The following PLA2R1 variants were observed in gnomAD, a reference collection of about 807,000 sequenced individuals.
PLA2R1 encodes the protein secretory phospholipase A2 receptor.
PLA2R1 carries 158 observed loss-of-function variants against 195.9 expected under a neutral mutation model. The observed-to-expected ratio is 0.81, with a 90% confidence interval of 0.71 to 0.92. PLA2R1 has a LOEUF of 0.92. Among genes scored for constraint, PLA2R1 ranks in the 40% least tolerant of loss-of-function variants. The pLI, the probability that PLA2R1 is intolerant of heterozygous loss-of-function variation, is 0.00. For synonymous variants in PLA2R1, 586 were observed against 598.2 expected, an observed-to-expected ratio of 0.98 and a Z score of 0.30; for missense variants, 1,626 against 1,764.6, an observed-to-expected ratio of 0.92 and a Z score of 1.41.
chr2:159,943,142 G>A (rs554670421), intron 28 of PLA2R1, among the ~76,000 whole-genome samples: 56 of 152,002 alleles, frequency 3.7e-4, no homozygotes, highest in Non-Finnish European at 7.2e-4. Context: ...GCTAATTTTT[G>A]TATTTTTAGT....
intron 7 of PLA2R1, among the ~76,000 whole-genome samples, chr2:160,021,137 G>A (rs1381956226): frequency 1.3e-5 from 2 of 152,052 alleles, no homozygotes; most frequent in Non-Finnish European, 2.9e-5. Context: ...ACAGATGTTG[G>A]TGAGGATGCA....
At chr2:159,984,110 G>C (rs1690159550) in intron 12 of PLA2R1, 37 bp from the exon 13 acceptor site, 4 of 1,021,670 alleles carry the variant, frequency 3.9e-6, no homozygotes, top group Non-Finnish European at 4.5e-6. Flanking sequence ...CATTGTTATA[G>C]ATAAAGTCAG....
intron 27 of PLA2R1, chr2:159,946,043 T>C (rs1250483463): frequency 3.0e-5 from 30 of 983,648 alleles, no homozygotes; most frequent in African/African-American, 3.5e-5. Context: ...ACAGTGAATT[T>C]CTTTAATACC....
Position 160,024,953 on chromosome 2 carries a change from T to G in PLA2R1, c.1100-2094A>C, listed in dbSNP as rs116967744. Among the ~76,000 whole-genome samples the G allele has an allele frequency of 2.0e-3, 297 of 152,256 alleles. 5 individuals are homozygous for G. The East Asian group carries it at 0.045, about 23-fold the overall frequency. On this transcript the variant is annotated intron_variant, in intron 6 of 29. Coordinates refer to ENST00000283243, the MANE Select transcript of PLA2R1 (RefSeq NM_007366.5). ...CCTGACCTCACAGAGCCTGAGATACTGCTGTGTCCCACCACCCCAGGGTCC... is the reference window on the plus strand; with the variant it reads ...CCTGACCTCACAGAGCCTGAGATACGGCTGTGTCCCACCACCCCAGGGTCC...
At chr2:159,942,191 T>A in intron 28 of PLA2R1, 32 bp from the exon 29 acceptor site, 6 of 1,578,412 alleles carry the variant, frequency 3.8e-6, no homozygotes, top group Non-Finnish European at 5.2e-6. Flanking sequence ...AAAATGAGGT[T>A]TTTCTTTTAA....
chr2:159,998,023 A>T (rs1691343090), intron 11 of PLA2R1, among the ~76,000 whole-genome samples: 1 of 152,034 alleles, frequency 6.6e-6, no homozygotes, highest in East Asian at 1.9e-4. Context: ...AATTTTTTTT[A>T]AAAACATTTA....
At position 160,016,520 on chromosome 2, in the gene PLA2R1, G is replaced by A. The variant is rs981259409; in HGVS notation, c.1551+94C>T. The A allele has an allele frequency of 8.5e-6, 6 of 705,984 alleles. No homozygotes were observed. In the African/African-American group the frequency reaches 9.0e-5, roughly 11 times the overall value. The allele number at this position is 705,984 out of a possible 1,614,324, so 43.7% of individuals were successfully genotyped here. A position where few individuals can be genotyped will look rare whatever the true frequency, so the allele number is the denominator to read the frequency against. On this transcript the variant is annotated intron_variant, in intron 9 of 29. Coordinates refer to ENST00000283243, the MANE Select transcript of PLA2R1 (RefSeq NM_007366.5). ...AGAGATGAAAGAGAGGAGAGAGAGA[G>A]AGGAGAAAGAGAAATTCACTTCAAA...
At chr2:160,028,085 T>A (rs1300076557) in intron 6 of PLA2R1, 133 bp downstream of exon 6, 1 of 600,768 alleles carries the variant, frequency 1.7e-6, no homozygotes, top group Non-Finnish European at 2.9e-6. Context: ...TAGTTACACA[T>A]CTTTTCATAT....
At chr2:159,944,736 A>G (rs1687279567) in intron 28 of PLA2R1, among the ~76,000 whole-genome samples, 170 bp downstream of exon 28, 1 of 152,198 alleles carries the variant, frequency 6.6e-6, no homozygotes, top group Non-Finnish European at 1.5e-5. Flanking sequence ...TCAGAGAAAG[A>G]AGGAGCTGAA....
At position 159,946,868 on chromosome 2, in the gene PLA2R1, T is replaced by C; in HGVS notation, c.3900A>G (p.Leu1300=). The C allele has an allele frequency of 2.5e-6, 4 of 1,611,340 alleles. No homozygotes were observed. The highest frequency in any genetic ancestry group is 3.4e-6 in the Non-Finnish European group (4 of 1,179,006). ...AAGAACCAAAAGCAAACAGCTCTTCTAGGAGAAATGCATTTTCAGCCTCAT... is the reference window on the plus strand; with the variant it reads ...AAGAACCAAAAGCAAACAGCTCTTCCAGGAGAAATGCATTTTCAGCCTCAT... ...IKDEAENAFL[L]EELFAFGSSV... Residue 1300 remains leucine (L), a synonymous_variant, in exon 27 of 30, where the codon CTA becomes CTG. Coordinates refer to ENST00000283243, the MANE Select transcript of PLA2R1 (RefSeq NM_007366.5).
intron 1 of PLA2R1, among the ~76,000 whole-genome samples, chr2:160,048,467 G>A (rs929215795): frequency 2.6e-5 from 4 of 152,110 alleles, no homozygotes; most frequent in African/African-American, 9.7e-5. Context: ...TATGATCCTA[G>A]CACTGTTAAT....
chr2:160,025,478 G>A (rs1693440226), intron 6 of PLA2R1, among the ~76,000 whole-genome samples: 8 of 151,558 alleles, frequency 5.3e-5, no homozygotes, highest in Admixed American at 3.9e-4. Context: ...TAACTATTGG[G>A]GGTAGGGTAA....
intron 13 of PLA2R1, 74 bp from the exon 14 acceptor site, chr2:159,979,988 C>G: frequency 1.2e-6 from 1 of 831,278 alleles, no homozygotes; most frequent in South Asian, 1.5e-5. Context: ...TCAAAAAATA[C>G]CAGCATGGCA....
At position 159,967,668 on chromosome 2, in the gene PLA2R1, A is replaced by AC; in HGVS notation, c.2774dup (p.Ser926Ter). On this transcript the variant is annotated frameshift_variant, in exon 20 of 30. Transcript: ENST00000283243. LOFTEE classifies it high-confidence loss of function. ...GCATAGAAACTGAACACTCTTCACT[A>AC]CCCCAGAGTCCTGGAGGAGAAAATG... is the stretch of plus-strand genomic sequence containing the variant. 6.2e-7 allele frequency: 1 copy of AC among 1,613,352 alleles called. No homozygotes were observed. Among genetic ancestry groups the AC allele is most frequent in the Admixed American group, 1.7e-5 (1 of 59,960 alleles).
rs1423031747 is a variant in PLA2R1, at chr2:159,940,815, A to C, written c.*963T>G. ...CATAATAAAGATATCTAGATTACTA[A>C]TTTATTTAGTACTTCTCAACAACAT... On this transcript the variant is annotated 3_prime_UTR_variant, in exon 30 of 30. Transcript: ENST00000283243. The C allele has an allele frequency of 6.6e-6, 1 of 152,200 alleles. No individual in the cohort carries two copies. 9.4% of individuals were successfully genotyped at this position (152,200 alleles called of 1,614,324 possible). A position where few individuals can be genotyped will look rare whatever the true frequency, so the allele number is the denominator to read the frequency against.
chr2:160,005,370 G>A (rs1691905366), intron 11 of PLA2R1, among the ~76,000 whole-genome samples: 1 of 152,166 alleles, frequency 6.6e-6, no homozygotes, highest in Admixed American at 6.5e-5. Context: ...AGGAGGTCAA[G>A]GCTGCAGTGA....
At chr2:160,046,995 T>C (rs1694911249) in intron 1 of PLA2R1, among the ~76,000 whole-genome samples, 1 of 152,230 alleles carries the variant, frequency 6.6e-6, no homozygotes, top group Admixed American at 6.5e-5. Context: ...TAATTTTTCA[T>C]TAAAGGATAA....
At chr2:160,042,250 T>C (rs766184380) in intron 2 of PLA2R1, 52 bp from the exon 3 acceptor site, 15 of 1,504,860 alleles carry the variant, frequency 1.0e-5, no homozygotes, top group South Asian at 2.3e-5. Context: ...AGCTTTATCT[T>C]TGGAAACTGC....
chr2:160,057,700 T>C lies in PLA2R1; in HGVS notation c.109+4595A>G, dbSNP rs1050136153. Among the ~76,000 whole-genome samples the C allele has an allele frequency of 3.9e-5, 6 of 152,242 alleles. 1 individual carries two copies. In the South Asian group the frequency reaches 1.0e-3, roughly 26 times the overall value. On this transcript the variant is annotated intron_variant, in intron 1 of 29. Coordinates refer to ENST00000283243, the MANE Select transcript of PLA2R1 (RefSeq NM_007366.5). Reference sequence around the variant, plus strand: ...TTGTAATTGTTTATGTTTCTGTATCTGTCCCTGGACTCTCAGCCTCTTGGG... The same window carrying C: ...TTGTAATTGTTTATGTTTCTGTATCCGTCCCTGGACTCTCAGCCTCTTGGG...
Sources: gnomAD v4.1 joint callset for allele counts (sites outside exome capture counted in the v4.1 genomes callset) on GRCh38, gnomAD v4.1.1 for gene constraint, MANE v1.5 for transcripts, NCBI Gene and HGNC (gene_info 2026-07-23, HGNC 2026-07-21) for gene names.